Variants in C1orf87 observed in about 807,000 individuals in gnomAD.
C1orf87 encodes the protein chromosome 1 open reading frame 87.
In C1orf87, 58 loss-of-function variants were observed where a neutral mutation model predicts 60.5. The ratio of observed to expected loss-of-function variants is 0.96; its 90% CI spans 0.78 to 1.19. C1orf87 has a LOEUF of 1.19. C1orf87 is among the 50% of genes most tolerant of loss of function. C1orf87 has a pLI of 0.00. For missense variants in C1orf87, 673 were observed against 638.6 expected (o/e 1.05, Z -0.58); for synonymous variants, 236 against 227.4 (o/e 1.04, Z -0.34).
At chr1:60,003,821 T>G (rs1574295515) in intron 9 of C1orf87, among the ~76,000 whole-genome samples, 1 of 152,076 alleles carries the variant, frequency 6.6e-6, no homozygotes, top group East Asian at 1.9e-4. Flanking sequence ...TTAGTGCCAT[T>G]TTTCCAAATT....
Position 60,010,452 on chromosome 1 carries a change from G to T in C1orf87, c.1132C>A (p.Gln378Lys), listed in dbSNP as rs1203096029. 6.2e-7 allele frequency: 1 copy of T among 1,612,068 alleles called. No individual in the cohort carries two copies. Among genetic ancestry groups the T allele is most frequent in the East Asian group, 2.2e-5 (1 of 44,816 alleles). The change falls in exon 9 of 12, where the codon CAG becomes AAG. Residue 378 changes from glutamine to lysine, a missense_variant. Coordinates refer to ENST00000371201, the MANE Select transcript of C1orf87 (RefSeq NM_152377.3). ...CTGGTCAGCATCTCAACAAAATTCT[G>T]CCATCTGTGCAAGAAAAGGAAACAT... ...DLGYQNEIKWQNFVEMLTRAS... is the reference protein window; with the variant it reads ...DLGYQNEIKWKNFVEMLTRAS...
chr1:60,054,221 C>T (rs959359407), intron 3 of C1orf87, among the ~76,000 whole-genome samples: 1 of 152,182 alleles, frequency 6.6e-6, no homozygotes, highest in Non-Finnish European at 1.5e-5. Context: ...CAATCTGTGT[C>T]ACTCATGTTT....
chr1:60,042,540 T>A (rs1645333651), intron 3 of C1orf87, among the ~76,000 whole-genome samples: 1 of 152,064 alleles, frequency 6.6e-6, no homozygotes, highest in Admixed American at 6.6e-5. Flanking sequence ...GTGAGCAGAG[T>A]GGGCAAGAAT....
At chr1:60,068,545 C>A (rs1462482980) in intron 2 of C1orf87, among the ~76,000 whole-genome samples, 1 of 152,154 alleles carries the variant, frequency 6.6e-6, no homozygotes, top group African/African-American at 2.4e-5. Context: ...CAACACCATC[C>A]AGTCTAGAGT....
intron 8 of C1orf87, among the ~76,000 whole-genome samples, chr1:60,023,950 AT>A (rs1185168732): frequency 6.6e-6 from 1 of 152,090 alleles, no homozygotes; most frequent in Non-Finnish European, 1.5e-5. Context: ...AAGACATTGT[AT>A]TTTTTATCTC....
chr1:60,010,512 G>T, intron 8 of C1orf87, 56 bp from the exon 9 acceptor site: 2 of 1,437,122 alleles, frequency 1.4e-6, no homozygotes, highest in Non-Finnish European at 2.0e-6. Flanking sequence ...CTGAAAGAAT[G>T]TCCAGTGAAG....
At chr1:60,049,790 G>T (rs755734387) in intron 3 of C1orf87, among the ~76,000 whole-genome samples, 3 of 152,008 alleles carry the variant, frequency 2.0e-5, no homozygotes. Flanking sequence ...CGTATGTATG[G>T]TATATGAGGA....
intron 5 of C1orf87, among the ~76,000 whole-genome samples, 199 bp downstream of exon 5, chr1:60,039,718 A>G (rs890084831): frequency 6.6e-6 from 1 of 152,246 alleles, no homozygotes; most frequent in Non-Finnish European, 1.5e-5. Flanking sequence ...AGAGAAATGA[A>G]ACAGAGCGAA....
At chr1:60,046,605 A>C (rs72669616) in intron 3 of C1orf87, among the ~76,000 whole-genome samples, 19,573 of 151,400 alleles carry the variant, frequency 0.13, 1,587 homozygotes, top group Middle Eastern at 0.23. Context: ...CACCCAGCTA[A>C]CTTTTTGTTT....
chr1:60,062,504 T>G (rs1170039911), intron 2 of C1orf87, among the ~76,000 whole-genome samples: 1 of 152,182 alleles, frequency 6.6e-6, no homozygotes, highest in Non-Finnish European at 1.5e-5. Flanking sequence ...GCACTGGGTA[T>G]CTCCATTATA....
At chr1:60,043,917 T>G (rs1030992170) in intron 3 of C1orf87, among the ~76,000 whole-genome samples, 1 of 152,220 alleles carries the variant, frequency 6.6e-6, no homozygotes, top group Admixed American at 6.5e-5. Context: ...TGAAAATGTA[T>G]TAAGTGCCTT....
chr1:60,011,488 G>C (rs1222157173), intron 8 of C1orf87, among the ~76,000 whole-genome samples: 1 of 151,252 alleles, frequency 6.6e-6, no homozygotes, highest in Non-Finnish European at 1.5e-5. Context: ...TTACTCTTTG[G>C]TTCTATTCCT....
intron 2 of C1orf87, among the ~76,000 whole-genome samples, chr1:60,059,507 C>T (rs1645480734): frequency 6.6e-6 from 1 of 152,098 alleles, no homozygotes; most frequent in Admixed American, 6.6e-5. Context: ...GCAAACCAGC[C>T]CATTAGAGTC....
At chr1:60,024,588 C>G (rs923813936) in intron 8 of C1orf87, among the ~76,000 whole-genome samples, 4 of 152,070 alleles carry the variant, frequency 2.6e-5, no homozygotes, top group Non-Finnish European at 5.9e-5. Context: ...GAGACGGCTC[C>G]CTGGGGATTT....
At chr1:60,042,078 T>C (rs1359742417) in intron 3 of C1orf87, among the ~76,000 whole-genome samples, 1 of 152,190 alleles carries the variant, frequency 6.6e-6, no homozygotes, top group African/African-American at 2.4e-5. Flanking sequence ...GGTCCTCAAG[T>C]AGCCCGATGT....
intron 5 of C1orf87, among the ~76,000 whole-genome samples, chr1:60,038,628 C>G (rs2100294079): frequency 6.6e-6 from 1 of 152,280 alleles, no homozygotes; most frequent in East Asian, 1.9e-4. Context: ...TCTCTCCCCA[C>G]CGCTGCCCCC....
At chr1:60,059,904 A>G (rs1645482786) in intron 2 of C1orf87, among the ~76,000 whole-genome samples, 1 of 152,210 alleles carries the variant, frequency 6.6e-6, no homozygotes, top group South Asian at 2.1e-4. Flanking sequence ...TTTGTAAGTA[A>G]TAAGAGATAA....
chr1:60,070,340 C>A (rs571832151), intron 2 of C1orf87, among the ~76,000 whole-genome samples: 2 of 152,220 alleles, frequency 1.3e-5, no homozygotes, highest in East Asian at 3.9e-4. Context: ...TTCAAATTTT[C>A]ATTTTGGAGA....
chr1:60,010,607 T>A (rs1645076760), intron 8 of C1orf87, 151 bp from the exon 9 acceptor site: 4 of 663,432 alleles, frequency 6.0e-6, no homozygotes. Context: ...GAAACTACTT[T>A]GTATATCTTT....
Sources: allele counts gnomAD v4.1 joint callset (sites outside exome capture counted in the v4.1 genomes callset), GRCh38; gene constraint gnomAD v4.1.1; transcripts MANE v1.5; gene names NCBI Gene and HGNC (gene_info 2026-07-23, HGNC 2026-07-21).